LAMA2: variants seen among roughly 807,000 people sequenced by gnomAD.
LAMA2 encodes the protein laminin subunit alpha 2.
A neutral mutation model predicts 364.8 loss-of-function variants in LAMA2; 269 were observed. The ratio of observed to expected loss-of-function variants is 0.74; its 90% CI spans 0.67 to 0.82. The LOEUF (loss-of-function observed/expected upper bound fraction) is 0.82. Ranked by LOEUF, LAMA2 falls within the 40% of genes least tolerant of loss-of-function variation. The pLI, the probability that LAMA2 is intolerant of heterozygous loss-of-function variation, is 0.00. For missense variants in LAMA2, 3,807 were observed against 3,873.2 expected (o/e 0.98, Z 0.45); for synonymous variants, 1,379 against 1,370.6 (o/e 1.01, Z -0.14).
chr6:129,499,542 A>G (rs923631004), intron 58 of LAMA2, among the ~76,000 whole-genome samples: 1 of 152,194 alleles, frequency 6.6e-6, no homozygotes, highest in Admixed American at 6.5e-5. Context: ...TTTCTGAGCA[A>G]AGCACAGGGC....
At chr6:129,177,600 A>G in intron 9 of LAMA2, 106 bp from the exon 10 acceptor site, 2 of 1,151,516 alleles carry the variant, frequency 1.7e-6, no homozygotes, top group African/African-American at 1.5e-5. Flanking sequence ...TAAAAAATCT[A>G]TTTTTGTGTC....
At chr6:129,316,475 G>A (rs528318136) in intron 27 of LAMA2, among the ~76,000 whole-genome samples, 1 of 152,196 alleles carries the variant, frequency 6.6e-6, no homozygotes, top group Non-Finnish European at 1.5e-5. Flanking sequence ...AAAATTAACT[G>A]TTGTGGTATA....
intron 12 of LAMA2, among the ~76,000 whole-genome samples, chr6:129,196,927 C>CA (rs1341518760): frequency 6.6e-6 from 1 of 152,048 alleles, no homozygotes; most frequent in East Asian, 1.9e-4. Context: ...AAGGGAATCC[C>CA]AAAGAAACCT....
At chr6:128,994,212 G>C (rs905869555) in intron 1 of LAMA2, among the ~76,000 whole-genome samples, 1 of 152,214 alleles carries the variant, frequency 6.6e-6, no homozygotes, top group Non-Finnish European at 1.5e-5. Context: ...TTACTTCAAG[G>C]AGGATTTGAA....
At chr6:129,353,844 A>G (rs1167203036) in intron 32 of LAMA2, among the ~76,000 whole-genome samples, 1 of 152,200 alleles carries the variant, frequency 6.6e-6, no homozygotes, top group Non-Finnish European at 1.5e-5. Flanking sequence ...CTCTTGAACT[A>G]CAAAACCCGT....
intron 1 of LAMA2, among the ~76,000 whole-genome samples, chr6:128,935,339 T>G (rs991512758): frequency 3.9e-5 from 6 of 151,940 alleles, no homozygotes; most frequent in African/African-American, 1.5e-4. Context: ...CCTTGTGATA[T>G]TTTGCTGAGA....
intron 33 of LAMA2, among the ~76,000 whole-genome samples, chr6:129,367,430 A>C (rs939747073): frequency 6.6e-6 from 1 of 152,228 alleles, no homozygotes; most frequent in Non-Finnish European, 1.5e-5. Context: ...CATAATGACC[A>C]TGTGTTTTAC....
At chr6:129,329,791 C>A (rs1376819019) in intron 29 of LAMA2, among the ~76,000 whole-genome samples, 1 of 152,276 alleles carries the variant, frequency 6.6e-6, no homozygotes. Flanking sequence ...AACCCCTGGG[C>A]CACAGGAGGA....
chr6:129,494,313 A>G (rs1361487989), intron 58 of LAMA2, among the ~76,000 whole-genome samples: 1 of 152,270 alleles, frequency 6.6e-6, no homozygotes, highest in Non-Finnish European at 1.5e-5. Flanking sequence ...TTATTCAATG[A>G]GAGGCCAGAT....
intron 4 of LAMA2, among the ~76,000 whole-genome samples, chr6:129,123,862 T>G (rs1776954413): frequency 6.6e-6 from 1 of 152,162 alleles, no homozygotes; most frequent in African/African-American, 2.4e-5. Flanking sequence ...GCTTGAAATT[T>G]TCCTAACAAA....
At chr6:129,127,000 G>A (rs962824158) in intron 4 of LAMA2, among the ~76,000 whole-genome samples, 1 of 152,232 alleles carries the variant, frequency 6.6e-6, no homozygotes, top group Non-Finnish European at 1.5e-5. Flanking sequence ...CTGGTAGGCA[G>A]AGGTTGCAGT....
intron 18 of LAMA2, among the ~76,000 whole-genome samples, chr6:129,280,463 C>T (rs1000738234): frequency 2.0e-5 from 3 of 152,088 alleles, no homozygotes; most frequent in Non-Finnish European, 4.4e-5. Context: ...TAAGATTTAT[C>T]TTACTGTCTG....
rs147398243 is a variant in LAMA2 at position 129,098,255 on chromosome 6, A to G, written c.479A>G (p.Asp160Gly). 9.9e-6 allele frequency: 16 copies of G among 1,614,128 alleles called. No individual in the cohort carries two copies. In the East Asian group the frequency reaches 3.6e-4, roughly 36 times the overall value. Reference sequence around the variant, plus strand: ...TGGATTTTGGAACGCTCTCTTGATGATGTTGAATACAAGCCCTGGCAGTAT... The same window carrying G: ...TGGATTTTGGAACGCTCTCTTGATGGTGTTGAATACAAGCCCTGGCAGTAT... Reference protein sequence around the residue: ...GNWILERSLDDVEYKPWQYHA... With the variant: ...GNWILERSLDGVEYKPWQYHA... The change falls in exon 4 of 65, where the codon GAT (aspartate) becomes GGT (glycine). Residue 160 changes from aspartate (D) to glycine (G), a missense_variant. This residue lies in a region of LAMA2 where 394 missense variants were observed against 403.5 expected (regional missense o/e 0.98). Coordinates refer to ENST00000421865, the MANE Select transcript of LAMA2 (RefSeq NM_000426.4).
At chr6:129,278,449 C>T (rs534320775) in intron 17 of LAMA2, among the ~76,000 whole-genome samples, 2 of 152,290 alleles carry the variant, frequency 1.3e-5, no homozygotes, top group African/African-American at 4.8e-5. Flanking sequence ...ATGCAGTTCT[C>T]ACTTTTATGT....
chr6:128,953,191 G>C (rs562394082), intron 1 of LAMA2, among the ~76,000 whole-genome samples: 241 of 152,244 alleles, frequency 1.6e-3, no homozygotes, highest in African/African-American at 5.5e-3. Flanking sequence ...ATGACAACTG[G>C]AATTGAAGTC....
chr6:129,269,872 A>G (rs1400745747), intron 16 of LAMA2, among the ~76,000 whole-genome samples: 1 of 152,190 alleles, frequency 6.6e-6, no homozygotes, highest in Non-Finnish European at 1.5e-5. Context: ...CCTTAATGCT[A>G]TCTTTTAAAA....
chr6:129,445,588 T>G (rs1583767961), intron 44 of LAMA2, 79 bp from the exon 45 acceptor site: 2 of 1,220,428 alleles, frequency 1.6e-6, no homozygotes, highest in African/African-American at 3.0e-5. Context: ...AATTGTTTGG[T>G]TAAGCATACT....
At chr6:129,311,603 A>G (rs1774237247) in intron 22 of LAMA2, among the ~76,000 whole-genome samples, 1 of 152,200 alleles carries the variant, frequency 6.6e-6, no homozygotes, top group African/African-American at 2.4e-5. Context: ...CAGTAGATGT[A>G]TAATTGGCAC....
rs371031831 is a variant in LAMA2, at chr6:129,502,775, T to A, written c.8357+4T>A. On this transcript the variant is annotated splice_donor_region_variant and intron_variant, in intron 59 of 64. Coordinates refer to ENST00000421865, the MANE Select transcript of LAMA2 (RefSeq NM_000426.4). ...ATGACACCAAAGTTAAAAACCGGTA[T>A]GTATCATCCTGAGACACTGGGAAAG... 20 of 1,571,524 alleles carry A rather than the reference T, an allele frequency of 1.3e-5. No individual in the cohort carries two copies. The highest frequency in any genetic ancestry group is 1.8e-5 in the Non-Finnish European group (20 of 1,141,374).
Sources: gnomAD v4.1 joint callset for allele counts (sites outside exome capture counted in the v4.1 genomes callset) on GRCh38, gnomAD v4.1.1 for gene constraint, gnomAD v4.1.1 regional missense constraint, MANE v1.5 for transcripts, NCBI Gene and HGNC (gene_info 2026-07-23, HGNC 2026-07-21) for gene names.